SLIT3: variants seen among roughly 807,000 people sequenced by gnomAD.
SLIT3 encodes slit homolog 3 protein.
Under a neutral mutation model 184.0 loss-of-function variants are expected in SLIT3, and 68 were observed. The ratio of observed to expected loss-of-function variants is 0.37; its 90% confidence interval spans 0.30 to 0.45. The LOEUF (loss-of-function observed/expected upper bound fraction) is 0.45. SLIT3 is among the 20% of genes least tolerant of loss of function. The pLI, the probability that SLIT3 is intolerant of heterozygous loss-of-function variation, is 1.00. For missense variants in SLIT3, 1,707 were observed against 2,026.0 expected (o/e 0.84, Z 3.02); for synonymous variants, 831 against 828.6 (o/e 1.00, Z -0.05).
intron 20 of SLIT3, among the ~76,000 whole-genome samples, chr5:168,741,545 G>A (rs955795575): frequency 6.6e-6 from 1 of 151,196 alleles, no homozygotes; most frequent in South Asian, 2.1e-4. Context: ...GTTAGTTGCT[G>A]TGCTTAACTC....
chr5:169,276,112 G>A (rs917219389), intron 1 of SLIT3, among the ~76,000 whole-genome samples: 27 of 152,192 alleles, frequency 1.8e-4, no homozygotes, highest in African/African-American at 6.3e-4. Flanking sequence ...GCAATTGAAC[G>A]CTACACGAAA....
At chr5:168,756,599 C>T (rs1329740922) in intron 16 of SLIT3, among the ~76,000 whole-genome samples, 1 of 152,204 alleles carries the variant, frequency 6.6e-6, no homozygotes, top group Non-Finnish European at 1.5e-5. Context: ...TCTCCTTAAA[C>T]TTGGCCGGTT....
At chr5:168,908,517 C>A (rs998049998) in intron 4 of SLIT3, among the ~76,000 whole-genome samples, 5 of 152,110 alleles carry the variant, frequency 3.3e-5, no homozygotes, top group African/African-American at 9.7e-5. Context: ...AATTCCCAGA[C>A]CTTTCGTGGA....
chr5:169,029,017 C>G (rs1756932342), intron 4 of SLIT3, among the ~76,000 whole-genome samples: 1 of 152,138 alleles, frequency 6.6e-6, no homozygotes, highest in Non-Finnish European at 1.5e-5. Flanking sequence ...CACCACTTGA[C>G]ATGTATAATC....
intron 4 of SLIT3, among the ~76,000 whole-genome samples, chr5:169,106,664 C>A (rs1028349989): frequency 3.9e-5 from 6 of 152,220 alleles, no homozygotes; most frequent in African/African-American, 1.2e-4. Flanking sequence ...GTACATACTG[C>A]ATCCCCTCCC....
chr5:169,196,474 T>C (rs1458585141), intron 3 of SLIT3, among the ~76,000 whole-genome samples: 1 of 152,130 alleles, frequency 6.6e-6, no homozygotes, highest in Admixed American at 6.5e-5. Flanking sequence ...ATGACAACAG[T>C]GATGATAATG....
intron 3 of SLIT3, among the ~76,000 whole-genome samples, chr5:169,203,118 G>C (rs1763954832): frequency 6.6e-6 from 1 of 152,162 alleles, no homozygotes; most frequent in South Asian, 2.1e-4. Flanking sequence ...GAGTCCTCTA[G>C]TTCCAGGATG....
chr5:169,253,195 GTTC>G (rs1765835816), intron 1 of SLIT3, among the ~76,000 whole-genome samples: 1 of 152,138 alleles, frequency 6.6e-6, no homozygotes, highest in African/African-American at 2.4e-5. Context: ...CATCACACGT[GTTC>G]TTCTTACCTC....
intron 4 of SLIT3, among the ~76,000 whole-genome samples, chr5:168,915,959 G>A (rs1015567162): frequency 6.6e-6 from 1 of 152,190 alleles, no homozygotes; most frequent in East Asian, 1.9e-4. Context: ...TGATAATAGT[G>A]TTATGGTTTT....
chr5:168,933,776 A>G (rs1369071040), intron 4 of SLIT3, among the ~76,000 whole-genome samples: 1 of 152,180 alleles, frequency 6.6e-6, no homozygotes, highest in Non-Finnish European at 1.5e-5. Context: ...TCAAAGGCCA[A>G]TGGGAGAGTT....
At chr5:169,276,502 A>T (rs576086508) in intron 1 of SLIT3, among the ~76,000 whole-genome samples, 1 of 152,306 alleles carries the variant, frequency 6.6e-6, no homozygotes, top group Non-Finnish European at 1.5e-5. Context: ...TGGAACAAAG[A>T]GGATATTTCC....
intron 20 of SLIT3, among the ~76,000 whole-genome samples, chr5:168,743,318 CT>C (rs1382830954): frequency 6.6e-6 from 1 of 152,214 alleles, no homozygotes; most frequent in Non-Finnish European, 1.5e-5. Flanking sequence ...AACAGCATAT[CT>C]GACTTCATGT....
chr5:169,096,759 C>A (rs1581405786), intron 4 of SLIT3, among the ~76,000 whole-genome samples: 2 of 152,204 alleles, frequency 1.3e-5, no homozygotes, highest in East Asian at 3.8e-4. Flanking sequence ...GTCCATTCAA[C>A]ATTCCTATGT....
chr5:168,772,694 C>T (rs878864711), intron 14 of SLIT3, 87 bp downstream of exon 14: 2 of 1,465,876 alleles, frequency 1.4e-6, no homozygotes, highest in Non-Finnish European at 9.5e-7. Context: ...TTACAGTGCT[C>T]GCTGTCCTCC....
intron 4 of SLIT3, among the ~76,000 whole-genome samples, chr5:169,136,031 A>G (rs1400455651): frequency 6.6e-6 from 1 of 152,194 alleles, no homozygotes; most frequent in Admixed American, 6.5e-5. Context: ...CTCCTGGGAC[A>G]GTCTCTTGAA....
intron 4 of SLIT3, among the ~76,000 whole-genome samples, chr5:169,173,128 G>T (rs1019907686): frequency 6.6e-6 from 1 of 152,180 alleles, no homozygotes; most frequent in African/African-American, 2.4e-5. Context: ...GGGTGTGGTG[G>T]CACATGCCTA....
intron 4 of SLIT3, among the ~76,000 whole-genome samples, chr5:169,153,584 G>A (rs1413065170): frequency 5.3e-5 from 8 of 152,350 alleles, no homozygotes; most frequent in Middle Eastern, 6.8e-3. Context: ...GCAGGCCTGC[G>A]TTTTATCTTT....
intron 5 of SLIT3, among the ~76,000 whole-genome samples, chr5:168,876,978 G>A (rs77824680): frequency 1.5e-3 from 229 of 152,084 alleles, no homozygotes; most frequent in African/African-American, 5.2e-3. Context: ...ACGGGCCATC[G>A]GCAAACACCT....
intron 1 of SLIT3, among the ~76,000 whole-genome samples, chr5:169,282,471 A>G (rs953798708): frequency 6.6e-6 from 1 of 152,116 alleles, no homozygotes; most frequent in African/African-American, 2.4e-5. Flanking sequence ...TTATAAATCA[A>G]TTATGTCTCT....
Sources: allele counts gnomAD v4.1 joint callset (sites outside exome capture counted in the v4.1 genomes callset), GRCh38; gene constraint gnomAD v4.1.1; transcripts MANE v1.5; gene names NCBI Gene and HGNC (gene_info 2026-07-23, HGNC 2026-07-21).